TAOK3: variants seen among roughly 807,000 people sequenced by gnomAD.
TAOK3 encodes the protein serine/threonine-protein kinase TAO3.
In TAOK3, 40 loss-of-function variants were observed where a neutral mutation model predicts 120.4. The observed-to-expected ratio is 0.33, with a 90% confidence interval of 0.26 to 0.43. The LOEUF is 0.43. Among genes scored for constraint, TAOK3 ranks in the 20% least tolerant of loss-of-function variants. The probability of loss-of-function intolerance (pLI) is 1.00; values close to 1 mark genes in which losing one functional copy is unlikely to be tolerated. For missense variants in TAOK3, 821 were observed against 1,112.1 expected (o/e 0.74, Z 3.72); for synonymous variants, 355 against 387.5 (o/e 0.92, Z 0.99).
chr12:118,169,551 T>C (rs1387164623), intron 17 of TAOK3, among the ~76,000 whole-genome samples: 33 of 145,218 alleles, frequency 2.3e-4, no homozygotes, highest in East Asian at 1.5e-3. Flanking sequence ...CCTCAAGTGA[T>C]CCGCCTGCCT....
At chr12:118,216,319 C>T (rs1256207434) in intron 9 of TAOK3, among the ~76,000 whole-genome samples, 1 of 152,138 alleles carries the variant, frequency 6.6e-6, no homozygotes, top group Non-Finnish European at 1.5e-5. Context: ...AGGATTTACT[C>T]CTCCCCAGCC....
At chr12:118,206,637 G>A (rs1489726317) in intron 11 of TAOK3, among the ~76,000 whole-genome samples, 1 of 151,130 alleles carries the variant, frequency 6.6e-6, no homozygotes, top group African/African-American at 2.4e-5. Flanking sequence ...TTGCTGTGTC[G>A]CCAGGCTGGA....
intron 5 of TAOK3, among the ~76,000 whole-genome samples, chr12:118,240,495 T>G (rs1056327833): frequency 6.6e-6 from 1 of 151,494 alleles, no homozygotes; most frequent in Non-Finnish European, 1.5e-5. Context: ...TGTACTCTTA[T>G]CCTCGATTTC....
chr12:118,332,273 A>G (rs2044185329), intron 1 of TAOK3, among the ~76,000 whole-genome samples: 1 of 151,536 alleles, frequency 6.6e-6, no homozygotes, highest in African/African-American at 2.4e-5. Flanking sequence ...CCCTTCCCCC[A>G]ACCCCCACCC....
chr12:118,221,920 C>A (rs2039254132), intron 9 of TAOK3, among the ~76,000 whole-genome samples: 1 of 152,078 alleles, frequency 6.6e-6, no homozygotes, highest in Non-Finnish European at 1.5e-5. Flanking sequence ...AGGCGTGAGC[C>A]ACTGCGCCTG....
rs757041288 is a variant in TAOK3, at chr12:118,238,058, G to T, written c.437+15C>A. 6.6e-7 allele frequency: 1 copy of T among 1,507,294 alleles called. No homozygotes were observed. Among genetic ancestry groups the T allele is most frequent in the Non-Finnish European group, 9.1e-7 (1 of 1,095,884 alleles). 93.4% of individuals were successfully genotyped at this position (1,507,294 alleles called of 1,614,324 possible). On this transcript the variant is annotated intron_variant, in intron 7 of 20. Transcript: ENST00000392533. ...CCTGCAACTGAAAAGAAACATAACTGGTCTCTAATCTTACCTATGAATCAA... is the reference window on the plus strand; with the variant it reads ...CCTGCAACTGAAAAGAAACATAACTTGTCTCTAATCTTACCTATGAATCAA...
intron 3 of TAOK3, among the ~76,000 whole-genome samples, chr12:118,253,755 C>CA (rs11299995): frequency 1.4e-5 from 2 of 146,100 alleles, no homozygotes; most frequent in Admixed American, 6.8e-5. Flanking sequence ...AACAAACAAA[C>CA]AAAAAAAAAA....
At chr12:118,224,176 C>T (rs55965100) in intron 9 of TAOK3, among the ~76,000 whole-genome samples, 60 of 152,232 alleles carry the variant, frequency 3.9e-4, no homozygotes, top group African/African-American at 1.3e-3. Context: ...ATAGTGTTTA[C>T]GCTGAAATTT....
chr12:118,155,264 G>T (rs575229049), intron 19 of TAOK3, among the ~76,000 whole-genome samples: 1 of 152,310 alleles, frequency 6.6e-6, no homozygotes, highest in Non-Finnish European at 1.5e-5. Context: ...CCAAATTGCT[G>T]GGATTACAGG....
chr12:118,325,749 G>A (rs558262304), intron 1 of TAOK3, among the ~76,000 whole-genome samples: 7 of 152,052 alleles, frequency 4.6e-5, no homozygotes, highest in Admixed American at 2.6e-4. Flanking sequence ...GCATGATCTC[G>A]GCTCACTGCA....
At chr12:118,342,916 A>G (rs1471375167) in intron 1 of TAOK3, among the ~76,000 whole-genome samples, 1 of 147,718 alleles carries the variant, frequency 6.8e-6, no homozygotes, top group Non-Finnish European at 1.5e-5. Context: ...CCTGGGCCAC[A>G]GAGTAAGCCT....
chr12:118,197,715 T>C (rs2037801194), intron 13 of TAOK3, among the ~76,000 whole-genome samples: 1 of 120,858 alleles, frequency 8.3e-6, no homozygotes, highest in African/African-American at 3.2e-5. Flanking sequence ...TGAGACGGAG[T>C]CTCACTGTGT....
chr12:118,191,555 G>A (rs1479595497), intron 13 of TAOK3, among the ~76,000 whole-genome samples: 2 of 152,116 alleles, frequency 1.3e-5, no homozygotes, highest in African/African-American at 2.4e-5. Context: ...ATAGTTAGTG[G>A]TGCCATATTG....
intron 9 of TAOK3, among the ~76,000 whole-genome samples, chr12:118,220,946 T>C (rs1207408141): frequency 2.0e-5 from 3 of 152,218 alleles, no homozygotes; most frequent in Admixed American, 6.5e-5. Context: ...TGAGCAATGG[T>C]GACAAGGCTC....
intron 1 of TAOK3, among the ~76,000 whole-genome samples, chr12:118,289,211 A>C (rs2042378413): frequency 6.6e-6 from 1 of 150,854 alleles, no homozygotes; most frequent in African/African-American, 2.4e-5. Flanking sequence ...TGAGGCAGGA[A>C]AATCTTGAAC....
At chr12:118,168,146 G>A (rs2035728996) in intron 17 of TAOK3, among the ~76,000 whole-genome samples, 1 of 152,178 alleles carries the variant, frequency 6.6e-6, no homozygotes, top group Non-Finnish European at 1.5e-5. Context: ...CTGTTTGAGG[G>A]TAGAGATTGG....
At position 118,235,571 on chromosome 12, in the gene TAOK3, C is replaced by A; in HGVS notation, c.538G>T (p.Gly180Cys). 1 of 1,613,388 alleles carries A rather than the reference C, an allele frequency of 6.2e-7. No individual in the cohort carries two copies. Among genetic ancestry groups the A allele is most frequent in the Non-Finnish European group, 8.5e-7 (1 of 1,179,658 alleles). The change falls in exon 8 of 21, where the codon GGC becomes TGC. Residue 180 changes from glycine to cysteine, a missense_variant. By Grantham distance (159) the Gly-to-Cys change is radical. Transcript: ENST00000392533. ...SMASPANSFV[G>C]TPYWMAPEVI... Reference sequence around the variant, plus strand: ...AATTCTACATACCAGTAAGGTGTGCCCACGAAGGAGTTGGCAGGAGAAGCC... The same window carrying A: ...AATTCTACATACCAGTAAGGTGTGCACACGAAGGAGTTGGCAGGAGAAGCC...
chr12:118,265,997 T>C (rs1018994284), intron 2 of TAOK3, among the ~76,000 whole-genome samples: 2 of 152,190 alleles, frequency 1.3e-5, no homozygotes, highest in African/African-American at 4.8e-5. Context: ...CGAAACCTTT[T>C]AGGTAATTTC....
chr12:118,335,467 A>C (rs2044329225), intron 1 of TAOK3, among the ~76,000 whole-genome samples: 1 of 152,172 alleles, frequency 6.6e-6, no homozygotes, highest in African/African-American at 2.4e-5. Flanking sequence ...CTTTGTAATG[A>C]AAAGCCTCCT....
Sources: allele counts gnomAD v4.1 joint callset (sites outside exome capture counted in the v4.1 genomes callset), GRCh38; gene constraint gnomAD v4.1.1; transcripts MANE v1.5; gene names NCBI Gene and HGNC (gene_info 2026-07-23, HGNC 2026-07-21).